Variants in DGKI observed in about 807,000 individuals in gnomAD.
The protein encoded by DGKI is DAG kinase iota.
Under a neutral mutation model 147.5 loss-of-function variants are expected in DGKI, and 55 were observed. The ratio of observed to expected loss-of-function variants is 0.37; its 90% CI spans 0.30 to 0.47. The LOEUF (loss-of-function observed/expected upper bound fraction) is 0.47, where lower values mean the gene tolerates loss of function less well. Ranked by LOEUF, DGKI falls within the 20% of genes least tolerant of loss-of-function variation. The probability of loss-of-function intolerance (pLI) is 1.00; values close to 1 mark genes in which losing one functional copy is unlikely to be tolerated. For missense variants in DGKI, 1,007 were observed against 1,323.8 expected (o/e 0.76, Z 3.71); for synonymous variants, 469 against 477.1 (o/e 0.98, Z 0.22).
At chr7:137,664,310 G>A (rs1307316723) in intron 3 of DGKI, among the ~76,000 whole-genome samples, 4 of 150,454 alleles carry the variant, frequency 2.7e-5, no homozygotes, top group Non-Finnish European at 5.9e-5. Flanking sequence ...CCTGGGAGGT[G>A]GAGGTTGCAG....
intron 1 of DGKI, among the ~76,000 whole-genome samples, chr7:137,693,242 A>G (rs936527901): frequency 6.6e-6 from 1 of 152,112 alleles, no homozygotes; most frequent in Non-Finnish European, 1.5e-5. Flanking sequence ...ATTTGCTCCT[A>G]TTAAAAAAAA....
intron 12 of DGKI, among the ~76,000 whole-genome samples, chr7:137,597,053 C>T (rs185565601): frequency 2.6e-5 from 4 of 152,158 alleles, no homozygotes; most frequent in Admixed American, 1.3e-4. Flanking sequence ...TGGAGAAAAC[C>T]GATGAGGCAT....
chr7:137,730,603 GT>G (rs1291545399), intron 1 of DGKI, among the ~76,000 whole-genome samples: 2 of 151,976 alleles, frequency 1.3e-5, no homozygotes, highest in Non-Finnish European at 2.9e-5. Context: ...TATTTTATGA[GT>G]TTACTCAGGT....
At chr7:137,667,147 G>A (rs1350121077) in intron 3 of DGKI, among the ~76,000 whole-genome samples, 1 of 151,980 alleles carries the variant, frequency 6.6e-6, no homozygotes. Flanking sequence ...GTGCCAGCAG[G>A]TCAAAGTTGC....
At chr7:137,668,916 G>T (rs1822740573) in intron 3 of DGKI, among the ~76,000 whole-genome samples, 1 of 152,290 alleles carries the variant, frequency 6.6e-6, no homozygotes, top group East Asian at 1.9e-4. Flanking sequence ...CATTCAAGGA[G>T]GAATGATTAT....
At position 137,485,418 on chromosome 7, in the gene DGKI, C is replaced by A. The variant is rs1008321000; in HGVS notation, c.2329G>T (p.Asp777Tyr). The change falls in exon 23 of 33, where the codon GAC becomes TAC. Residue 777 changes from aspartate (D) to tyrosine (Y), a missense_variant and splice_region_variant. Physicochemically the swap from Asp to Tyr is radical, Grantham distance 160. Around this residue, in one of 5 missense-constraint regions of DGKI, gnomAD observed 385 missense variants for 445.2 expected, o/e 0.86. Coordinates refer to ENST00000614521, the MANE Select transcript of DGKI (RefSeq NM_001321708.2). ...CRMYIDRLQE[D>Y]LQSVSSGSQR... ...GAGCCAGAAGAAACTGACTGTAGGTCCTAATGAGAAAATGAAAAAAAAAAT... is the reference window on the plus strand; with the variant it reads ...GAGCCAGAAGAAACTGACTGTAGGTACTAATGAGAAAATGAAAAAAAAAAT... The A allele has an allele frequency of 6.2e-7, 1 of 1,603,922 alleles. No homozygotes were observed. Among genetic ancestry groups the A allele is most frequent in the Non-Finnish European group, 8.5e-7 (1 of 1,175,444 alleles).
chr7:137,750,042 A>G (rs1472195791), intron 1 of DGKI, among the ~76,000 whole-genome samples: 1 of 152,202 alleles, frequency 6.6e-6, no homozygotes. Flanking sequence ...AGGGACACAC[A>G]ACTGGCATCA....
intron 28 of DGKI, among the ~76,000 whole-genome samples, chr7:137,440,468 A>G (rs1563020470): frequency 6.6e-6 from 1 of 152,246 alleles, no homozygotes; most frequent in South Asian, 2.1e-4. Flanking sequence ...TTGTTAGAGG[A>G]GGGAAGAATT....
chr7:137,789,807 A>G (rs1043014747), intron 1 of DGKI, among the ~76,000 whole-genome samples: 6 of 152,184 alleles, frequency 3.9e-5, no homozygotes, highest in African/African-American at 9.7e-5. Flanking sequence ...TTCAACATAC[A>G]AGTAAGAGAA....
intron 1 of DGKI, among the ~76,000 whole-genome samples, chr7:137,820,632 C>T (rs910900833): frequency 6.6e-6 from 1 of 152,154 alleles, no homozygotes; most frequent in Non-Finnish European, 1.5e-5. Flanking sequence ...AACCTCATAA[C>T]CTTCTAGAAC....
In DGKI at chr7:137,656,917, T is replaced by C. The variant is rs559772713; in HGVS notation, c.607-377A>G. On this transcript the variant is annotated intron_variant, in intron 3 of 32. Transcript: ENST00000614521. ...CTTCCATTTTAAAATATTTTCTACA[T>C]TATCACTCAAGTAGCTAAGGGGCAA... Among the ~76,000 whole-genome samples, 4 of 152,330 alleles carry C rather than the reference T, an allele frequency of 2.6e-5. No individual in the cohort carries two copies. In the South Asian group the frequency reaches 8.3e-4, roughly 32 times the overall value.
intron 8 of DGKI, among the ~76,000 whole-genome samples, chr7:137,615,457 C>T (rs1403986016): frequency 6.6e-6 from 1 of 151,498 alleles, no homozygotes; most frequent in Non-Finnish European, 1.5e-5. Context: ...CAATTAAGAA[C>T]ATCTTCTCTA....
intron 3 of DGKI, among the ~76,000 whole-genome samples, chr7:137,670,534 C>T (rs1469366181): frequency 1.3e-5 from 2 of 152,164 alleles, no homozygotes; most frequent in Non-Finnish European, 2.9e-5. Flanking sequence ...ACTGAGAGCA[C>T]CCCACTCTCT....
intron 6 of DGKI, among the ~76,000 whole-genome samples, chr7:137,636,721 G>T (rs144157781): frequency 1.3e-5 from 2 of 152,226 alleles, no homozygotes; most frequent in African/African-American, 4.8e-5. Flanking sequence ...AGTGGGAACC[G>T]TTAGGAGGTG....
chr7:137,783,499 G>C (rs1796581575), intron 1 of DGKI, among the ~76,000 whole-genome samples: 1 of 152,314 alleles, frequency 6.6e-6, no homozygotes, highest in South Asian at 2.1e-4. Flanking sequence ...CCAAAACCAA[G>C]AATAATTGGT....
Position 137,846,159 on chromosome 7 carries a change from TCTCA to T in DGKI, c.401+299_401+302del, listed in dbSNP as rs1332761191. Among the ~76,000 whole-genome samples, 1,072 of 130,026 alleles carry T rather than the reference TCTCA, an allele frequency of 8.2e-3. 3 individuals carry two copies. The highest frequency in any genetic ancestry group is 0.021 in the Middle Eastern group (5 of 240). 85.3% of individuals were successfully genotyped at this position (130,026 alleles called of 152,430 possible). ...TTCTCTCTCTCTCTCTCTCTCTCTC[TCTCA>T]CACACACACACACACACACACACAC... On this transcript the variant is annotated intron_variant, in intron 1 of 32. Transcript: ENST00000614521. The surrounding 1 kb of genome is among the most constrained non-coding windows in gnomAD (Gnocchi z 4.0).
intron 1 of DGKI, among the ~76,000 whole-genome samples, chr7:137,805,596 G>T (rs899728774): frequency 3.3e-5 from 5 of 152,202 alleles, no homozygotes; most frequent in African/African-American, 1.2e-4. Context: ...CAAGGGCAGT[G>T]CATAAGCATG....
intron 1 of DGKI, among the ~76,000 whole-genome samples, chr7:137,821,160 G>A (rs984475222): frequency 6.6e-6 from 1 of 152,120 alleles, no homozygotes; most frequent in African/African-American, 2.4e-5. Context: ...CAGAAAACTG[G>A]GAGAACACAG....
rs1811186175 is a variant in DGKI at position 137,386,705 on chromosome 7, T to C, written c.*4515A>G. 1 of 152,026 alleles carries C rather than the reference T, an allele frequency of 6.6e-6. No individual in the cohort carries two copies. The highest frequency in any genetic ancestry group is 1.5e-5 in the Non-Finnish European group (1 of 67,978). The allele number at this position is 152,026 out of a possible 1,614,324, so 9.4% of individuals were successfully genotyped here. A position where few individuals can be genotyped will look rare whatever the true frequency, so the allele number is the denominator to read the frequency against. Reference sequence around the variant, plus strand: ...GGATGACTGGGGACACAGAAAAGGGTAGGGTCCAAGTCGATCTGACAGACC... The same window carrying C: ...GGATGACTGGGGACACAGAAAAGGGCAGGGTCCAAGTCGATCTGACAGACC... On this transcript the variant is annotated 3_prime_UTR_variant, in exon 33 of 33. Coordinates refer to ENST00000614521, the MANE Select transcript of DGKI (RefSeq NM_001321708.2).
Sources: gnomAD v4.1 joint callset for allele counts (sites outside exome capture counted in the v4.1 genomes callset) on GRCh38, gnomAD v4.1.1 for gene constraint, gnomAD v4.1.1 regional missense constraint, Gnocchi (gnomAD v3.1) non-coding constraint, MANE v1.5 for transcripts, NCBI Gene and HGNC (gene_info 2026-07-23, HGNC 2026-07-21) for gene names.